The following PTPN3 variants were observed in gnomAD, a reference collection of about 807,000 sequenced individuals.
The protein encoded by PTPN3 is tyrosine-protein phosphatase non-receptor type 3.
PTPN3 carries 96 observed loss-of-function variants against 132.7 expected under a neutral mutation model. The observed-to-expected ratio is 0.72, with a 90% CI of 0.61 to 0.86. The LOEUF is 0.86. Among genes scored for constraint, PTPN3 ranks in the 40% least tolerant of loss-of-function variants. The pLI is 0.00. For synonymous variants in PTPN3, 398 were observed against 429.0 expected (o/e 0.93, Z 0.89); for missense variants, 1,125 against 1,159.6 (o/e 0.97, Z 0.43).
At chr9:109,398,319 T>C (rs1318055465) in intron 19 of PTPN3, among the ~76,000 whole-genome samples, 1 of 152,216 alleles carries the variant, frequency 6.6e-6, no homozygotes, top group Non-Finnish European at 1.5e-5. Flanking sequence ...ATTGCTCTCA[T>C]TAATTTCTAC....
intron 22 of PTPN3, among the ~76,000 whole-genome samples, chr9:109,388,787 C>G (rs1461842710): frequency 2.6e-5 from 4 of 152,164 alleles, no homozygotes; most frequent in African/African-American, 7.2e-5. Flanking sequence ...AAGGCAGAGT[C>G]AACTTTACAG....
intron 1 of PTPN3, among the ~76,000 whole-genome samples, chr9:109,471,410 C>T (rs1846373406): frequency 2.0e-5 from 3 of 152,172 alleles, no homozygotes. Flanking sequence ...ACAGACACAC[C>T]AGGCTTTTCT....
At chr9:109,416,814 GA>G (rs1842540914) in intron 14 of PTPN3, among the ~76,000 whole-genome samples, 1 of 152,158 alleles carries the variant, frequency 6.6e-6, no homozygotes, top group South Asian at 2.1e-4. Context: ...AGGCTCTAAG[GA>G]AAGAGGCAAA....
chr9:109,457,623 T>G (rs1371335776), intron 2 of PTPN3, among the ~76,000 whole-genome samples: 1 of 152,198 alleles, frequency 6.6e-6, no homozygotes, highest in African/African-American at 2.4e-5. Flanking sequence ...TTAATTTAAT[T>G]GTCTAAGATT....
chr9:109,422,966 C>A, intron 12 of PTPN3, 114 bp from the exon 13 acceptor site: 1 of 1,351,190 alleles, frequency 7.4e-7, no homozygotes, highest in Non-Finnish European at 1.0e-6. Context: ...CAGGTTAATG[C>A]CAAGGTTATG....
chr9:109,470,196 G>A lies in PTPN3; in HGVS notation c.-17-6745C>T, dbSNP rs368513255. Among the ~76,000 whole-genome samples, 42 of 152,230 alleles carry A rather than the reference G, an allele frequency of 2.8e-4. 2 individuals are homozygous for A. In the South Asian group the frequency reaches 8.5e-3, roughly 31 times the overall value. On this transcript the variant is annotated intron_variant, in intron 1 of 25. Coordinates refer to ENST00000374541, the MANE Select transcript of PTPN3 (RefSeq NM_002829.4). ...TTCTCGTCAAATGCCAATATTTAAC[G>A]TATTGCAGACACATGCTTCATTCAT...
At chr9:109,534,144 T>C in the PTPN3 span, 1 of 815,104 alleles carries the variant, frequency 1.2e-6, no homozygotes, top group Non-Finnish European at 2.2e-6. Context: ...ACCATTTTAC[T>C]GTTCCCAAAA....
intron 1 of PTPN3, among the ~76,000 whole-genome samples, chr9:109,470,325 G>A (rs1431713348): frequency 6.6e-6 from 1 of 152,100 alleles, no homozygotes; most frequent in East Asian, 1.9e-4. Context: ...GCCAACCATG[G>A]CCCCAACAAG....
At chr9:109,534,285 C>T in the PTPN3 span, 8 of 1,540,938 alleles carry the variant, frequency 5.2e-6, no homozygotes, top group African/African-American at 4.1e-5. Context: ...CGGGGGGCGG[C>T]GAGCGGCAAG....
At chr9:109,515,960 A>G in the PTPN3 span, among the ~76,000 whole-genome samples, 1 of 152,176 alleles carries the variant, frequency 6.6e-6, no homozygotes, top group African/African-American at 2.4e-5. Flanking sequence ...AATGAAGACA[A>G]TGTCTGCCCT....
the PTPN3 span, among the ~76,000 whole-genome samples, chr9:109,525,118 C>G: frequency 6.6e-6 from 1 of 152,114 alleles, no homozygotes; most frequent in African/African-American, 2.4e-5. Flanking sequence ...TGATCATGAT[C>G]ATGGCTCACT....
chr9:109,392,377 G>A (rs979081521), intron 19 of PTPN3, among the ~76,000 whole-genome samples: 2 of 151,180 alleles, frequency 1.3e-5, no homozygotes, highest in Non-Finnish European at 2.9e-5. Context: ...AGTGTTGGAA[G>A]TGATTTTTTT....
intron 21 of PTPN3, among the ~76,000 whole-genome samples, chr9:109,390,797 A>G (rs911048604): frequency 6.6e-6 from 1 of 152,052 alleles, no homozygotes; most frequent in Non-Finnish European, 1.5e-5. Flanking sequence ...CACTCATTAC[A>G]TGGAGAGAAA....
At chr9:109,432,641 G>A (rs1386458840) in intron 10 of PTPN3, among the ~76,000 whole-genome samples, 1 of 152,216 alleles carries the variant, frequency 6.6e-6, no homozygotes, top group Non-Finnish European at 1.5e-5. Context: ...CAAGCACTCA[G>A]TTGTACACGT....
the PTPN3 span, among the ~76,000 whole-genome samples, chr9:109,508,164 CTTT>C: frequency 2.8e-5 from 4 of 143,768 alleles, no homozygotes; most frequent in Admixed American, 6.9e-5. Context: ...TTCTCTCTCT[CTTT>C]TTTTTTTTTT....
In PTPN3 at chr9:109,382,407, G is replaced by A. The variant is rs1334505404; in HGVS notation, c.2423C>T (p.Ala808Val). The A allele has an allele frequency of 2.5e-6, 4 of 1,614,110 alleles. No homozygotes were observed. In the Admixed American group the frequency reaches 5.0e-5, roughly 20 times the overall value. Residue 808 changes from alanine (A) to valine (V), a missense_variant, in exon 24 of 26, where the codon GCA becomes GTA. Transcript: ENST00000374541. ...ATCGGGCACACCGTGGTCAGGCCAT[G>A]CGACGTACTGGAGATGTGTCACTGT... Reference protein sequence around the residue: ...EHTVTHLQYVAWPDHGVPDDS... With the variant: ...EHTVTHLQYVVWPDHGVPDDS...
At chr9:109,440,196 G>A (rs920531115) in intron 7 of PTPN3, among the ~76,000 whole-genome samples, 5 of 152,216 alleles carry the variant, frequency 3.3e-5, no homozygotes, top group African/African-American at 1.2e-4. Flanking sequence ...AAAGGGCAGA[G>A]AGCCAAGTGA....
At chr9:109,441,618 G>A (rs921395289) in intron 7 of PTPN3, among the ~76,000 whole-genome samples, 3 of 152,196 alleles carry the variant, frequency 2.0e-5, no homozygotes, top group African/African-American at 4.8e-5. Context: ...TGGCACAGGT[G>A]CAGGGAACAT....
the PTPN3 span, among the ~76,000 whole-genome samples, chr9:109,503,707 C>T: frequency 1.6e-4 from 23 of 143,134 alleles, no homozygotes; most frequent in African/African-American, 5.6e-4. Context: ...AGTGAGACTC[C>T]ATCTCAAAAA....
Sources: gnomAD v4.1 joint callset for allele counts (sites outside exome capture counted in the v4.1 genomes callset) on GRCh38, gnomAD v4.1.1 for gene constraint, MANE v1.5 for transcripts, NCBI Gene and HGNC (gene_info 2026-07-23, HGNC 2026-07-21) for gene names.